Variants in ACOT7 observed in about 807,000 individuals in gnomAD.
ACOT7 encodes the protein acyl-CoA thioesterase 7.
In ACOT7, 12 loss-of-function variants were observed where a neutral mutation model predicts 40.2. The ratio of observed to expected loss-of-function variants is 0.30; its 90% CI spans 0.19 to 0.48. ACOT7 has a LOEUF of 0.48. Among genes scored for constraint, ACOT7 ranks in the 20% least tolerant of loss-of-function variants. ACOT7 has a pLI of 0.99. For synonymous variants in ACOT7, 228 were observed against 219.5 expected (o/e 1.04, Z -0.34); for missense variants, 395 against 530.8 (o/e 0.74, Z 2.51).
rs1048950603 is a variant in ACOT7 at position 6,349,597 on chromosome 1, G to A, written c.261+152C>T. On this transcript the variant is annotated intron_variant, in intron 2 of 8. Coordinates refer to ENST00000361521, the MANE Select transcript of ACOT7 (RefSeq NM_007274.4). The stretch of plus-strand genomic sequence containing the variant: ...CCAAGCATAGCTCTGAGGGTCCGGT[G>A]CAGAAATACTTGGGCCACTTCTCCC... 16 of 770,512 alleles carry A rather than the reference G, an allele frequency of 2.1e-5. No individual in the cohort carries two copies. In the East Asian group the frequency reaches 3.5e-4, roughly 17 times the overall value. The allele number at this position is 770,512 out of a possible 1,614,324, so 47.7% of individuals were successfully genotyped here. A position where few individuals can be genotyped will look rare whatever the true frequency, so the allele number is the denominator to read the frequency against.
intron 8 of ACOT7, among the ~76,000 whole-genome samples, chr1:6,267,682 G>A (rs1252571585): frequency 6.6e-6 from 1 of 152,238 alleles, no homozygotes; most frequent in Non-Finnish European, 1.5e-5. Flanking sequence ...GAGCTGGCCA[G>A]GGATCCCTTT....
rs1487420833 is a variant in ACOT7 at position 6,274,757 on chromosome 1, C to T, written c.1014+6345G>A. 6.6e-6 allele frequency among the ~76,000 whole-genome samples: 1 copy of T among 152,190 alleles called. No homozygotes were observed. The highest frequency in any genetic ancestry group is 1.5e-5 in the Non-Finnish European group (1 of 68,042). ...GGCCTGTGGAGGTTCAGTCACCTGC[C>T]CAGCACTGGTCCTGAGATCATCTGG... On this transcript the variant is annotated intron_variant, in intron 8 of 8. Coordinates refer to ENST00000361521, the MANE Select transcript of ACOT7 (RefSeq NM_007274.4). The surrounding 1 kb of genome is among the most constrained non-coding windows in gnomAD (Gnocchi z 5.9).
intron 7 of ACOT7, among the ~76,000 whole-genome samples, chr1:6,290,157 C>T (rs964513323): frequency 2.0e-5 from 3 of 152,180 alleles, no homozygotes; most frequent in Admixed American, 6.5e-5. Flanking sequence ...ATGTGGGTGG[C>T]CTCAGACGCT....
intron 7 of ACOT7, among the ~76,000 whole-genome samples, chr1:6,291,667 A>AC (rs1356752460): frequency 1.3e-5 from 2 of 152,066 alleles, no homozygotes; most frequent in Non-Finnish European, 2.9e-5. Context: ...GTGTGCCCCC[A>AC]CCCGGCAGGG....
intron 1 of ACOT7, among the ~76,000 whole-genome samples, chr1:6,391,038 G>A (rs567485013): frequency 5.3e-5 from 8 of 152,104 alleles, no homozygotes; most frequent in Non-Finnish European, 1.0e-4. Flanking sequence ...GCTCACGCCT[G>A]TAATCCCAGC....
chr1:6,278,582 A>C lies in ACOT7; in HGVS notation c.1014+2520T>G, dbSNP rs991405780. Reference sequence around the variant, plus strand: ...GTGATAATGAGTTCCATTCAGGACAAACTGTATTTGTGATGCTTTTGGGAA... The same window carrying C: ...GTGATAATGAGTTCCATTCAGGACACACTGTATTTGTGATGCTTTTGGGAA... On this transcript the variant is annotated intron_variant, in intron 8 of 8. Coordinates refer to ENST00000361521, the MANE Select transcript of ACOT7 (RefSeq NM_007274.4). This position sits in a 1 kb window ranked among gnomAD's most constrained non-coding sequence, Gnocchi z 4.1. 4.6e-5 allele frequency among the ~76,000 whole-genome samples: 7 copies of C among 152,170 alleles called. No individual in the cohort carries two copies. Among genetic ancestry groups the C allele is most frequent in the Non-Finnish European group, 8.8e-5 (6 of 68,026 alleles).
In ACOT7 at chr1:6,311,922, G is replaced by A. The variant is rs1025378160; in HGVS notation, c.712+6570C>T. ...ACTCCCAGGGTCTGGGTCACCTGTC[G>A]GGTGGGGTCTGGGTGTCTGTGGTTT... is the stretch of plus-strand genomic sequence containing the variant. On this transcript the variant is annotated intron_variant, in intron 6 of 8. Coordinates refer to ENST00000361521, the MANE Select transcript of ACOT7 (RefSeq NM_007274.4). The surrounding 1 kb of genome is among the most constrained non-coding windows in gnomAD (Gnocchi z 5.2). 6.6e-6 allele frequency among the ~76,000 whole-genome samples: 1 copy of A among 152,160 alleles called. No homozygotes were observed. Among genetic ancestry groups the A allele is most frequent in the South Asian group, 2.1e-4 (1 of 4,822 alleles).
chr1:6,391,557 T>C (rs2148486207), intron 1 of ACOT7, among the ~76,000 whole-genome samples: 1 of 152,088 alleles, frequency 6.6e-6, no homozygotes, highest in South Asian at 2.1e-4. Flanking sequence ...AAAGACAACA[T>C]GTATAAATTG....
At chr1:6,321,217 G>A (rs151307405) in intron 5 of ACOT7, among the ~76,000 whole-genome samples, 86 of 152,256 alleles carry the variant, frequency 5.6e-4, no homozygotes, top group African/African-American at 1.7e-3. Context: ...AGGGGCCCAC[G>A]GCCCACCTCC....
intron 6 of ACOT7, among the ~76,000 whole-genome samples, chr1:6,309,024 G>A (rs966474285): frequency 2.6e-5 from 4 of 152,232 alleles, no homozygotes; most frequent in African/African-American, 4.8e-5. Context: ...CGCCAAGGCC[G>A]ATCAACAGTC....
intron 4 of ACOT7, among the ~76,000 whole-genome samples, chr1:6,328,518 C>T (rs1640867406): frequency 6.6e-6 from 1 of 151,952 alleles, no homozygotes. Flanking sequence ...CCCGCCTCTA[C>T]TAAAAATACC....
At chr1:6,331,958 C>G (rs925375708) in intron 4 of ACOT7, among the ~76,000 whole-genome samples, 1 of 152,108 alleles carries the variant, frequency 6.6e-6, no homozygotes, top group Non-Finnish European at 1.5e-5. Flanking sequence ...CAGCAGGGAC[C>G]GAGGCCCCAT....
chr1:6,300,198 G>C (rs1312775732), intron 6 of ACOT7, among the ~76,000 whole-genome samples: 2 of 152,146 alleles, frequency 1.3e-5, no homozygotes, highest in African/African-American at 4.8e-5. Context: ...GAACAAATGA[G>C]CCAGGGACAA....
intron 8 of ACOT7, among the ~76,000 whole-genome samples, chr1:6,266,242 GTTCT>G (rs985119226): frequency 3.9e-5 from 6 of 152,186 alleles, no homozygotes; most frequent in African/African-American, 1.4e-4. Context: ...AAAATGAAAT[GTTCT>G]TTCTCAGTTC....
At chr1:6,383,762 T>C (rs1261167061) in intron 1 of ACOT7, among the ~76,000 whole-genome samples, 1 of 151,640 alleles carries the variant, frequency 6.6e-6, no homozygotes, top group Non-Finnish European at 1.5e-5. Context: ...TGGAGTGCAG[T>C]GGCACGATCT....
intron 6 of ACOT7, among the ~76,000 whole-genome samples, chr1:6,312,621 T>C (rs1186990849): frequency 6.6e-6 from 1 of 152,074 alleles, no homozygotes; most frequent in African/African-American, 2.4e-5. Context: ...GCACCCGCCA[T>C]CATACCCAAC....
At chr1:6,373,509 C>T (rs1474581635) in intron 1 of ACOT7, among the ~76,000 whole-genome samples, 1 of 152,016 alleles carries the variant, frequency 6.6e-6, no homozygotes, top group Admixed American at 6.6e-5. Flanking sequence ...CCTCGGCCTC[C>T]CAAAGTGCTG....
chr1:6,328,382 C>T (rs935707432), intron 4 of ACOT7, among the ~76,000 whole-genome samples: 10 of 152,110 alleles, frequency 6.6e-5, no homozygotes, highest in African/African-American at 9.7e-5. Context: ...CAGCACAGGC[C>T]GGGCATGGTG....
At chr1:6,266,634 A>G (rs1638861115) in intron 8 of ACOT7, among the ~76,000 whole-genome samples, 1 of 152,286 alleles carries the variant, frequency 6.6e-6, no homozygotes, top group African/African-American at 2.4e-5. Context: ...CAAGAATGCA[A>G]GGTCAAAGCC....
Sources: allele counts gnomAD v4.1 joint callset (sites outside exome capture counted in the v4.1 genomes callset), GRCh38; gene constraint gnomAD v4.1.1; non-coding constraint Gnocchi (gnomAD v3.1); transcripts MANE v1.5; gene names NCBI Gene and HGNC (gene_info 2026-07-23, HGNC 2026-07-21).